Variants in RBBP8 observed in about 807,000 individuals in gnomAD.
RBBP8 encodes the protein RB binding protein 8, endonuclease, also known as DNA endonuclease RBBP8.
Under a neutral mutation model 108.3 loss-of-function variants are expected in RBBP8, and 88 were observed. The ratio of observed to expected loss-of-function variants is 0.81; its 90% CI spans 0.68 to 0.97. The LOEUF (loss-of-function observed/expected upper bound fraction) is 0.97, where lower values mean the gene tolerates loss of function less well. Ranked by LOEUF, RBBP8 falls within the 50% of genes least tolerant of loss-of-function variation. The pLI, the probability that RBBP8 is intolerant of heterozygous loss-of-function variation, is 0.00. For synonymous variants in RBBP8, 332 were observed against 348.2 expected (o/e 0.95, Z 0.52); for missense variants, 1,023 against 1,049.0 (o/e 0.98, Z 0.34).
chr18:22,983,278 C>G (rs1843823527), intron 7 of RBBP8, among the ~76,000 whole-genome samples: 1 of 152,158 alleles, frequency 6.6e-6, no homozygotes, highest in Non-Finnish European at 1.5e-5. Flanking sequence ...ATATGTACTA[C>G]TATATTTGTA....
chr18:22,943,758 C>T (rs1036487194), intron 2 of RBBP8, among the ~76,000 whole-genome samples: 1 of 152,042 alleles, frequency 6.6e-6, no homozygotes, highest in Non-Finnish European at 1.5e-5. Context: ...TTTAAAATGA[C>T]AGTACATACA....
intron 4 of RBBP8, among the ~76,000 whole-genome samples, chr18:22,960,823 A>T (rs1434654568): frequency 6.6e-6 from 1 of 152,218 alleles, no homozygotes; most frequent in African/African-American, 2.4e-5. Flanking sequence ...ATTATTTTTT[A>T]AATATCACAA....
rs539022022 is a variant in RBBP8, at chr18:22,936,906, G to A, written c.55G>A (p.Asp19Asn). 4 of 1,614,136 alleles carry A rather than the reference G, an allele frequency of 2.5e-6. No homozygotes were observed. Among genetic ancestry groups the A allele is most frequent in the Admixed American group, 3.3e-5 (2 of 60,026 alleles). The change falls in exon 2 of 19, where the codon GAC becomes AAC. Residue 19 changes from aspartate to asparagine, a missense_variant. Coordinates refer to ENST00000327155, the MANE Select transcript of RBBP8 (RefSeq NM_002894.3). Reference protein sequence around the residue: ...GSPNSADTSSDFKDLWTKLKE... With the variant: ...GSPNSADTSSNFKDLWTKLKE... ...CCCTAACTCTGCAGATACATCTAGTGACTTTAAGGACCTTTGGACAAAACT... is the reference window on the plus strand; with the variant it reads ...CCCTAACTCTGCAGATACATCTAGTAACTTTAAGGACCTTTGGACAAAACT...
rs768257164 is a variant in RBBP8, at chr18:23,026,243, G to C, written c.*3G>C. The C allele has an allele frequency of 6.2e-7, 1 of 1,610,176 alleles. No homozygotes were observed. Among genetic ancestry groups the C allele is most frequent in the South Asian group, 1.1e-5 (1 of 90,924 alleles). On this transcript the variant is annotated 3_prime_UTR_variant, in exon 19 of 19. Coordinates refer to ENST00000327155, the MANE Select transcript of RBBP8 (RefSeq NM_002894.3). ...AAGGCAAGGAGCAGAAGACATAGACGTTGAAACAGAAACAGAAGGATGAAG... is the reference window on the plus strand; with the variant it reads ...AAGGCAAGGAGCAGAAGACATAGACCTTGAAACAGAAACAGAAGGATGAAG...
chr18:23,025,993 G>A, intron 18 of RBBP8, 150 bp from the exon 19 acceptor site: 1 of 684,908 alleles, frequency 1.5e-6, no homozygotes, highest in Non-Finnish European at 2.6e-6. Context: ...ATGCTAAATA[G>A]TGAGATCAAT....
intron 4 of RBBP8, among the ~76,000 whole-genome samples, chr18:22,951,030 A>C (rs1363976302): frequency 6.6e-6 from 1 of 152,254 alleles, no homozygotes; most frequent in Non-Finnish European, 1.5e-5. Context: ...GAAATTGAGT[A>C]CTTTCTACAA....
intron 12 of RBBP8, among the ~76,000 whole-genome samples, chr18:22,994,166 G>A (rs1285619085): frequency 2.0e-5 from 3 of 147,906 alleles, no homozygotes; most frequent in African/African-American, 7.4e-5. Context: ...GACTATAGGC[G>A]CCCACCATGC....
intron 10 of RBBP8, among the ~76,000 whole-genome samples, chr18:22,991,864 C>T (rs997418244): frequency 3.9e-5 from 6 of 152,098 alleles, no homozygotes; most frequent in African/African-American, 1.4e-4. Flanking sequence ...ATATAGATAT[C>T]TATCTATCTA....
chr18:23,018,533 A>G (rs2046299462), intron 17 of RBBP8, among the ~76,000 whole-genome samples: 1 of 152,234 alleles, frequency 6.6e-6, no homozygotes, highest in Admixed American at 6.5e-5. Context: ...AGTCTCTGAT[A>G]TAAAATGGCA....
chr18:22,973,781 G>T (rs141453207), intron 5 of RBBP8, among the ~76,000 whole-genome samples: 6 of 152,174 alleles, frequency 3.9e-5, no homozygotes, highest in African/African-American at 1.4e-4. Context: ...CAGCTCAGTT[G>T]CCCTTTTTTT....
Position 22,993,225 on chromosome 18 carries a change from T to C in RBBP8, c.1398T>C (p.Asp466=). 1.2e-6 allele frequency: 2 copies of C among 1,614,204 alleles called. No individual in the cohort carries two copies. Among genetic ancestry groups the C allele is most frequent in the Non-Finnish European group, 1.7e-6 (2 of 1,180,034 alleles). Residue 466 remains aspartate (D), a synonymous_variant, in exon 11 of 19, where the codon GAT becomes GAC. Transcript: ENST00000327155. ...HEVSCPQASF[D]KENAFPFPMD... is the part of the protein sequence containing the mutation. ...TAAGCTGCCCCCAAGCTTCTTTTGA[T>C]AAAGAAAATGCTTTCCCTTTTCCAA...
chr18:22,974,891 T>C (rs1304856954), intron 5 of RBBP8, among the ~76,000 whole-genome samples: 1 of 152,194 alleles, frequency 6.6e-6, no homozygotes. Flanking sequence ...CCCTAGTACA[T>C]GAAGTACCCT....
intron 3 of RBBP8, 123 bp from the exon 4 acceptor site, chr18:22,949,495 C>G: frequency 1.3e-6 from 1 of 746,286 alleles, no homozygotes; most frequent in Non-Finnish European, 2.3e-6. Flanking sequence ...ATATTCCAAC[C>G]TGACCTTTTC....
At chr18:23,010,399 TGAGACCAG>T (rs2046135923) in intron 16 of RBBP8, among the ~76,000 whole-genome samples, 1 of 151,994 alleles carries the variant, frequency 6.6e-6, no homozygotes, top group African/African-American at 2.4e-5. Flanking sequence ...CCCAGGAGTT[TGAGACCAG>T]CCTGGGCAAC....
At chr18:22,958,474 AAGAAC>A (rs1912780221) in intron 4 of RBBP8, among the ~76,000 whole-genome samples, 1 of 152,338 alleles carries the variant, frequency 6.6e-6, no homozygotes, top group Non-Finnish European at 1.5e-5. Flanking sequence ...ATGTTGAGAC[AAGAAC>A]CATGTTTCCT....
At position 22,993,422 on chromosome 18, in the gene RBBP8, T is replaced by C. The variant is rs753599972; in HGVS notation, c.1595T>C (p.Phe532Ser). The change falls in exon 11 of 19, where the codon TTT becomes TCT. Residue 532 changes from phenylalanine to serine, a missense_variant. Physicochemically the swap from Phe to Ser is radical, Grantham distance 155 (BLOSUM62 -2). Coordinates refer to ENST00000327155, the MANE Select transcript of RBBP8 (RefSeq NM_002894.3). ...GCTTTGAAGACCATTCCAAAGGGCT[T>C]TTCCTCAAGCCGTAAGGCCTCAGAT... is the stretch of plus-strand genomic sequence containing the variant. ...YEALKTIPKG[F>S]SSSRKASDGN... The C allele has an allele frequency of 6.2e-7, 1 of 1,614,222 alleles. No individual in the cohort carries two copies. Among genetic ancestry groups the C allele is most frequent in the Admixed American group, 1.7e-5 (1 of 60,028 alleles).
intron 4 of RBBP8, among the ~76,000 whole-genome samples, chr18:22,962,665 C>A (rs1425425079): frequency 6.6e-6 from 1 of 151,296 alleles, no homozygotes; most frequent in Non-Finnish European, 1.5e-5. Flanking sequence ...CAAGTGATCC[C>A]CCCGAGCTCA....
chr18:22,970,685 T>G (rs552193241), intron 5 of RBBP8, among the ~76,000 whole-genome samples: 1 of 152,244 alleles, frequency 6.6e-6, no homozygotes, highest in Non-Finnish European at 1.5e-5. Flanking sequence ...GGTGAATGGC[T>G]TATTTATTCT....
chr18:23,009,495 C>A lies in RBBP8; in HGVS notation c.2357+3063C>A, dbSNP rs140589360. ...GGTTTTTTTCTTTTCATATTTAATT[C>A]TTTTAAAAGTACATAAAGTATAATG... On this transcript the variant is annotated intron_variant, in intron 16 of 18. Transcript: ENST00000327155. Among the ~76,000 whole-genome samples the A allele has an allele frequency of 5.9e-3, 868 of 147,662 alleles. 6 individuals are homozygous for A. The highest frequency in any genetic ancestry group is 0.021 in the African/African-American group (842 of 40,348).
Sources: gnomAD v4.1 joint callset for allele counts (sites outside exome capture counted in the v4.1 genomes callset) on GRCh38, gnomAD v4.1.1 for gene constraint, MANE v1.5 for transcripts, NCBI Gene and HGNC (gene_info 2026-07-23, HGNC 2026-07-21) for gene names.